The following ZNF846 variants were observed in gnomAD, a reference collection of about 807,000 sequenced individuals.
The protein encoded by ZNF846 is zinc finger protein 420 pseudogene.
A neutral mutation model predicts 16.0 loss-of-function variants in ZNF846; 15 were observed. The observed-to-expected ratio is 0.94, with a 90% confidence interval of 0.63 to 1.45. The LOEUF (loss-of-function observed/expected upper bound fraction) is 1.45, where lower values mean the gene tolerates loss of function less well. Among genes scored for constraint, ZNF846 ranks in the 40% most tolerant of loss-of-function variants. The probability of loss-of-function intolerance (pLI) is 0.00; values close to 1 mark genes in which losing one functional copy is unlikely to be tolerated. For missense variants in ZNF846, 714 were observed against 622.3 expected (o/e 1.15, Z -1.57); for synonymous variants, 229 against 212.0 (o/e 1.08, Z -0.70).
At chr19:9,759,707 T>C (rs2045191599) in intron 5 of ZNF846, among the ~76,000 whole-genome samples, 153 bp downstream of exon 5, 2 of 151,774 alleles carry the variant, frequency 1.3e-5, no homozygotes, top group African/African-American at 4.9e-5. Context: ...AATATGTTTG[T>C]AGTAAGTTTA....
chr19:9,762,693 C>A (rs905330662), intron 3 of ZNF846, among the ~76,000 whole-genome samples: 1 of 152,182 alleles, frequency 6.6e-6, no homozygotes, highest in African/African-American at 2.4e-5. Context: ...AATCTTTTGG[C>A]TTCCGTGGGC....
At chr19:9,776,070 G>A (rs2045437677) in intron 1 of ZNF846, among the ~76,000 whole-genome samples, 1 of 152,230 alleles carries the variant, frequency 6.6e-6, no homozygotes, top group African/African-American at 2.4e-5. Context: ...CCACCAGAAG[G>A]GCTCCTTGGT....
intron 1 of ZNF846, among the ~76,000 whole-genome samples, chr19:9,784,622 G>T (rs540328307): frequency 3.9e-5 from 6 of 152,150 alleles, no homozygotes; most frequent in African/African-American, 1.4e-4. Flanking sequence ...CCCTTTACGG[G>T]TGTCAGGCTG....
intron 1 of ZNF846, among the ~76,000 whole-genome samples, chr19:9,783,823 G>A (rs1479798845): frequency 1.3e-5 from 2 of 151,482 alleles, no homozygotes; most frequent in Non-Finnish European, 2.9e-5. Flanking sequence ...CAAGTAGTTG[G>A]AACTACAGGC....
At chr19:9,780,455 G>A in intron 1 of ZNF846, among the ~76,000 whole-genome samples, 1 of 151,738 alleles carries the variant, frequency 6.6e-6, no homozygotes, top group East Asian at 1.9e-4. Flanking sequence ...ATTACCTAGT[G>A]ATTTTTTTTT....
chr19:9,782,898 T>C (rs555762199), intron 1 of ZNF846, among the ~76,000 whole-genome samples: 2 of 151,468 alleles, frequency 1.3e-5, no homozygotes, highest in Admixed American at 1.3e-4. Flanking sequence ...CTTCAAGCAC[T>C]CCATACATAA....
At chr19:9,762,433 T>A (rs900357238) in intron 3 of ZNF846, 3 of 308,686 alleles carry the variant, frequency 9.7e-6, no homozygotes, top group Admixed American at 9.6e-5. Flanking sequence ...AGGTTAGGAG[T>A]TCAAGACCAG....
At position 9,765,315 on chromosome 19, in the gene ZNF846, C is replaced by T. The variant is rs566364006; in HGVS notation, c.-85-280G>A. Reference sequence around the variant, plus strand: ...ACTTGAACCTGGGAGGTGGAGATTGCGGTGAGCCGACACCATGCCACTGCA... The same window carrying T: ...ACTTGAACCTGGGAGGTGGAGATTGTGGTGAGCCGACACCATGCCACTGCA... On this transcript the variant is annotated intron_variant, in intron 1 of 5. Coordinates refer to ENST00000397902, the Ensembl canonical transcript of ZNF846. 1.8e-4 allele frequency among the ~76,000 whole-genome samples: 27 copies of T among 152,088 alleles called. No homozygotes were observed. The South Asian group carries it at 2.9e-3, about 16-fold the overall frequency.
exon 6 of ZNF846, chr19:9,758,264 T>C (rs2045165435): frequency 6.2e-7 from 1 of 1,613,320 alleles, no homozygotes; most frequent in African/African-American, 1.3e-5. Flanking sequence ...TTCTGATGTG[T>C]AATTTAAGTC....
chr19:9,758,014 T>G, exon 6 of ZNF846: 1 of 1,613,174 alleles, frequency 6.2e-7, no homozygotes. Context: ...CTTACATGTT[T>G]TGTAAGGTAT....
intron 2 of ZNF846, 71 bp downstream of exon 2, chr19:9,764,865 G>A (rs1474112634): frequency 3.8e-6 from 6 of 1,560,956 alleles, no homozygotes; most frequent in Admixed American, 1.7e-5. Context: ...TTGAATACAC[G>A]ATAACAAGGT....
rs180926819 is a variant in ZNF846, at chr19:9,784,574, A to G, written c.-86+1364T>C. Reference sequence around the variant, plus strand: ...TGCTTTCCTCTTATCTCAACTGCAAAGAGGCCTTCCTCTTTCACTAATCCT... The same window carrying G: ...TGCTTTCCTCTTATCTCAACTGCAAGGAGGCCTTCCTCTTTCACTAATCCT... On this transcript the variant is annotated intron_variant, in intron 1 of 4. Transcript: ENST00000586814. Among the ~76,000 whole-genome samples the G allele has an allele frequency of 2.6e-3, 393 of 152,238 alleles. 3 individuals are homozygous for G. Among genetic ancestry groups the G allele is most frequent in the African/African-American group, 8.8e-3 (366 of 41,508 alleles).
chr19:9,757,557 T>C (rs2045151098), exon 6 of ZNF846: 6 of 1,613,150 alleles, frequency 3.7e-6, no homozygotes, highest in Non-Finnish European at 5.1e-6. Context: ...TTTCTTACAT[T>C]CATATGGTTT....
At chr19:9,758,184 G>C (rs2045163874) in exon 6 of ZNF846, 2 of 1,612,740 alleles carry the variant, frequency 1.2e-6, no homozygotes, top group East Asian at 4.5e-5. Context: ...TGTATGATCA[G>C]TAAGGTATGA....
At chr19:9,756,385 A>G (rs1599382179), downstream of ZNF846, 2 of 133,576 alleles carry the variant, frequency 1.5e-5, no homozygotes, top group East Asian at 2.1e-4. Context: ...ATATATATAT[A>G]AAGACATTCC....
At chr19:9,763,309 C>T in exon 3 of ZNF846, 6 of 1,604,796 alleles carry the variant, frequency 3.7e-6, no homozygotes, top group Non-Finnish European at 5.1e-6. Context: ...TTGTAGTTCT[C>T]CAACATCACA....
At chr19:9,751,181 T>C (rs2045080787), downstream of ZNF846, among the ~76,000 whole-genome samples, 1 of 152,096 alleles carries the variant, frequency 6.6e-6, no homozygotes, top group African/African-American at 2.4e-5. Context: ...CTATCACTAA[T>C]CACTCTATAC....
At chr19:9,762,024 G>T in intron 4 of ZNF846, 58 bp downstream of exon 4, 1 of 1,405,472 alleles carries the variant, frequency 7.1e-7, no homozygotes, top group Non-Finnish European at 1.0e-6. Flanking sequence ...CCAATGTACT[G>T]CATGTCTCCT....
intron 1 of ZNF846, among the ~76,000 whole-genome samples, chr19:9,785,212 T>TG (rs1243626216): frequency 6.7e-6 from 1 of 149,522 alleles, no homozygotes; most frequent in African/African-American, 2.5e-5. Context: ...TTTTTTTTTT[T>TG]TTTTTTTTTG....
Sources: allele counts gnomAD v4.1 joint callset (sites outside exome capture counted in the v4.1 genomes callset), GRCh38; gene constraint gnomAD v4.1.1; transcripts MANE v1.5; gene names NCBI Gene and HGNC (gene_info 2026-07-23, HGNC 2026-07-21).